PIK3R1: variants seen among roughly 807,000 people sequenced by gnomAD.
The protein encoded by PIK3R1 is phosphatidylinositol 3-kinase regulatory subunit alpha.
A neutral mutation model predicts 98.0 loss-of-function variants in PIK3R1; 29 were observed. The observed-to-expected ratio is 0.30, with a 90% CI of 0.22 to 0.40. The LOEUF (loss-of-function observed/expected upper bound fraction) is 0.40. PIK3R1 is among the 10% of genes least tolerant of loss of function. PIK3R1 has a pLI of 1.00. For missense variants in PIK3R1, 596 were observed against 872.7 expected (o/e 0.68, Z 3.99); for synonymous variants, 282 against 311.8 (o/e 0.90, Z 1.01).
At chr5:68,286,699 T>A (rs1747091631) in intron 7 of PIK3R1, among the ~76,000 whole-genome samples, 1 of 152,254 alleles carries the variant, frequency 6.6e-6, no homozygotes, top group African/African-American at 2.4e-5. Flanking sequence ...TTCTATACGT[T>A]GAGAGAGTAC....
At chr5:68,257,349 A>G (rs952422069) in intron 2 of PIK3R1, among the ~76,000 whole-genome samples, 1 of 152,230 alleles carries the variant, frequency 6.6e-6, no homozygotes, top group Admixed American at 6.5e-5. Context: ...GCTGGTAATT[A>G]CAGTTTAATG....
intron 4 of PIK3R1, 71 bp downstream of exon 4, chr5:68,274,084 C>T (rs1746474627): frequency 8.8e-7 from 1 of 1,136,398 alleles, no homozygotes; most frequent in South Asian, 1.2e-5. Flanking sequence ...GTAATGCACA[C>T]ACACAAAATT....
At chr5:68,229,131 G>T (rs1026394250) in intron 2 of PIK3R1, among the ~76,000 whole-genome samples, 1 of 29,144 alleles carries the variant, frequency 3.4e-5, no homozygotes, top group Non-Finnish European at 5.7e-5. Context: ...GAGAGTGTTG[G>T]GGGGGGGTCA....
chr5:68,289,759 C>CAAAAA (rs71305021), intron 7 of PIK3R1, among the ~76,000 whole-genome samples: 2,394 of 51,902 alleles, frequency 0.046, 439 homozygotes, highest in Middle Eastern at 0.075. Context: ...GGGGGAAAAG[C>CAAAAA]AAAAAAAAAA....
rs200700024 is a variant in PIK3R1 at position 68,280,777 on chromosome 5, C to T, written c.836+48C>T. On this transcript the variant is annotated intron_variant, in intron 6 of 15. Coordinates refer to ENST00000521381, the MANE Select transcript of PIK3R1 (RefSeq NM_181523.3). The stretch of plus-strand genomic sequence containing the variant: ...GTATTTTGGGGTGATGAGGGTAGTC[C>T]TAAATGGATTGGTCATGAAAATGTA... 374 of 1,509,080 alleles carry T rather than the reference C, an allele frequency of 2.5e-4. 1 individual carries two copies. In the African/African-American group the frequency reaches 4.6e-3, roughly 19 times the overall value. 93.5% of individuals were successfully genotyped at this position (1,509,080 alleles called of 1,614,324 possible).
At chr5:68,293,572 T>C (rs1261246825) in intron 10 of PIK3R1, 89 bp downstream of exon 10, 1 of 1,233,660 alleles carries the variant, frequency 8.1e-7, no homozygotes, top group African/African-American at 1.5e-5. Flanking sequence ...ATGAATTACA[T>C]GTAATCAAGT....
chr5:68,245,936 GTTCT>G (rs1276478482), intron 2 of PIK3R1, among the ~76,000 whole-genome samples: 1 of 152,188 alleles, frequency 6.6e-6, no homozygotes, highest in African/African-American at 2.4e-5. Flanking sequence ...GGACTGACCA[GTTCT>G]TTCTAAGACA....
chr5:68,257,918 A>C (rs1015447236), intron 2 of PIK3R1, among the ~76,000 whole-genome samples: 27 of 152,198 alleles, frequency 1.8e-4, no homozygotes, highest in African/African-American at 5.6e-4. Context: ...ACTGCTTGCC[A>C]CTTCCAGTTT....
intron 1 of PIK3R1, among the ~76,000 whole-genome samples, chr5:68,217,150 G>C (rs1007984724): frequency 1.3e-5 from 2 of 152,124 alleles, no homozygotes; most frequent in African/African-American, 4.8e-5. Flanking sequence ...GGATAAAGCA[G>C]TTCCGGGTTT....
intron 2 of PIK3R1, among the ~76,000 whole-genome samples, chr5:68,232,704 T>C (rs1273898976): frequency 5.3e-5 from 8 of 152,262 alleles, no homozygotes; most frequent in Non-Finnish European, 1.0e-4. Context: ...TTATATTTTC[T>C]TATTTAAGTG....
intron 1 of PIK3R1, chr5:68,217,620 A>ATG (rs34687648): frequency 0.22 from 29,022 of 129,614 alleles, 3,458 homozygotes; most frequent in African/African-American, 0.36. Flanking sequence ...AATAAGAGTA[A>ATG]TGTGTGGGGG....
chr5:68,294,352 C>T (rs1254413443), intron 11 of PIK3R1, among the ~76,000 whole-genome samples, 184 bp from the exon 12 acceptor site: 1 of 152,208 alleles, frequency 6.6e-6, no homozygotes, highest in Non-Finnish European at 1.5e-5. Flanking sequence ...GCTACGCAAT[C>T]ATTTTTCATA....
chr5:68,263,178 T>C (rs1357813138), intron 2 of PIK3R1, among the ~76,000 whole-genome samples: 1 of 144,556 alleles, frequency 6.9e-6, no homozygotes, highest in African/African-American at 2.6e-5. Flanking sequence ...TATATATCTA[T>C]ATATACATAT....
chr5:68,263,248 T>G (rs1745982135), intron 2 of PIK3R1, among the ~76,000 whole-genome samples: 1 of 147,278 alleles, frequency 6.8e-6, no homozygotes. Context: ...TAGAAATATA[T>G]ATATATTCTA....
rs1451728536 is a variant in PIK3R1, at chr5:68,236,414, T to A, written c.334+9405T>A. 3.3e-5 allele frequency among the ~76,000 whole-genome samples: 5 copies of A among 149,562 alleles called. No individual in the cohort carries two copies. The South Asian group carries it at 6.3e-4, about 19-fold the overall frequency. On this transcript the variant is annotated intron_variant, in intron 2 of 15. Transcript: ENST00000521381. The stretch of plus-strand genomic sequence containing the variant: ...ACAGGCACCTGCCACCACGCCCGTC[T>A]AATTTTTTGTATTTTTTGTAGAGAC...
At chr5:68,274,547 T>C (rs1335073173) in intron 4 of PIK3R1, among the ~76,000 whole-genome samples, 1 of 152,180 alleles carries the variant, frequency 6.6e-6, no homozygotes, top group African/African-American at 2.4e-5. Flanking sequence ...TTATGTTCAG[T>C]GGTGTGCTGA....
At chr5:68,224,251 ACATTTT>A (rs1168931021) in intron 1 of PIK3R1, among the ~76,000 whole-genome samples, 1 of 152,380 alleles carries the variant, frequency 6.6e-6, no homozygotes, top group Middle Eastern at 3.4e-3. Flanking sequence ...TGCTAGTTCT[ACATTTT>A]CATGTGAATT....
chr5:68,294,367 G>A (rs981076300), intron 11 of PIK3R1, among the ~76,000 whole-genome samples, 169 bp from the exon 12 acceptor site: 2 of 152,172 alleles, frequency 1.3e-5, no homozygotes, highest in Admixed American at 6.5e-5. Context: ...TTCATAGATT[G>A]AGAAAATTCT....
Position 68,273,718 on chromosome 5 carries a change from TTAA to T in PIK3R1, c.428-217_428-215del. On this transcript the variant is annotated intron_variant, in intron 3 of 15. Coordinates refer to ENST00000521381, the MANE Select transcript of PIK3R1 (RefSeq NM_181523.3). ...TGGAAACTATTAAATTCTTCATAATTTAATAAATATGATTAACTTTCTTCTTAG... is the reference window on the plus strand; with the variant it reads ...TGGAAACTATTAAATTCTTCATAATTTAAATATGATTAACTTTCTTCTTAG... The T allele has an allele frequency of 6.8e-6, 4 of 591,134 alleles. No homozygotes were observed. The South Asian group carries it at 8.8e-5, about 13-fold the overall frequency. 36.6% of individuals were successfully genotyped at this position (591,134 alleles called of 1,614,324 possible). A position where few individuals can be genotyped will look rare whatever the true frequency, so the allele number is the denominator to read the frequency against.
Sources: allele counts gnomAD v4.1 joint callset (sites outside exome capture counted in the v4.1 genomes callset), GRCh38; gene constraint gnomAD v4.1.1; transcripts MANE v1.5; gene names NCBI Gene and HGNC (gene_info 2026-07-23, HGNC 2026-07-21).